Variants in UBE3C observed in about 807,000 individuals in gnomAD.
UBE3C encodes ubiquitin protein ligase E3C.
A neutral mutation model predicts 129.4 loss-of-function variants in UBE3C; 42 were observed. The ratio of observed to expected loss-of-function variants is 0.32; its 90% CI spans 0.25 to 0.42. The LOEUF is 0.42. Ranked by LOEUF, UBE3C falls within the 10% of genes least tolerant of loss-of-function variation. The pLI is 1.00. For synonymous variants in UBE3C, 510 were observed against 492.4 expected, an observed-to-expected ratio of 1.04 and a Z score of -0.47; for missense variants, 1,049 against 1,319.1, an observed-to-expected ratio of 0.80 and a Z score of 3.17.
At chr7:157,148,731 C>CTTTTTTT (rs58138213) in intron 1 of UBE3C, among the ~76,000 whole-genome samples, 2 of 131,792 alleles carry the variant, frequency 1.5e-5, no homozygotes. Flanking sequence ...CAAATTAGTT[C>CTTTTTTT]TTTTTTTTTT....
chr7:157,204,856 AC>A (rs1267666318), intron 11 of UBE3C, among the ~76,000 whole-genome samples: 1 of 152,152 alleles, frequency 6.6e-6, no homozygotes, highest in Non-Finnish European at 1.5e-5. Context: ...TATTCTGAAA[AC>A]CTGTTAAAGC....
intron 18 of UBE3C, among the ~76,000 whole-genome samples, chr7:157,242,517 T>G (rs2706167): frequency 0.023 from 450 of 19,524 alleles, 3 homozygotes; most frequent in Non-Finnish European, 0.03. Flanking sequence ...CTGAGTTGTT[T>G]TTTTTTTTTT....
In UBE3C at chr7:157,153,951, C is replaced by G. The variant is rs180690575; in HGVS notation, c.67-9859C>G. On this transcript the variant is annotated intron_variant, in intron 1 of 22. Coordinates refer to ENST00000348165, the MANE Select transcript of UBE3C (RefSeq NM_014671.3). Reference sequence around the variant, plus strand: ...GAGGTTGCAGTGAGTGAGCCAAGACCGCGCCACTGCACTCCAGCTTGGGTG... The same window carrying G: ...GAGGTTGCAGTGAGTGAGCCAAGACGGCGCCACTGCACTCCAGCTTGGGTG... Among the ~76,000 whole-genome samples, 1,253 of 151,970 alleles carry G rather than the reference C, an allele frequency of 8.2e-3. 10 individuals are homozygous for G. The highest frequency in any genetic ancestry group is 0.017 in the Middle Eastern group (5 of 294).
chr7:157,248,550 T>C lies in UBE3C; in HGVS notation c.2664T>C (p.Thr888=). The change falls in exon 19 of 23, where the codon ACT becomes ACC. Residue 888 remains threonine (T), a synonymous_variant. Coordinates refer to ENST00000348165, the MANE Select transcript of UBE3C (RefSeq NM_014671.3). The part of the protein sequence containing the change: ...DDVEELGLNF[T]VVNNDLGEAQ... Reference sequence around the variant, plus strand: ...TGGAGGAGCTTGGGCTGAACTTCACTGTGGTGAACAATGACCTGGGAGAGG... The same window carrying C: ...TGGAGGAGCTTGGGCTGAACTTCACCGTGGTGAACAATGACCTGGGAGAGG... The C allele has an allele frequency of 6.2e-7, 1 of 1,612,598 alleles. No individual in the cohort carries two copies. The highest frequency in any genetic ancestry group is 8.5e-7 in the Non-Finnish European group (1 of 1,180,018).
Position 157,139,161 on chromosome 7 carries a change from C to G in UBE3C, c.-112C>G. 1.4e-6 allele frequency: 1 copy of G among 736,262 alleles called. No individual in the cohort carries two copies. The highest frequency in any genetic ancestry group is 1.7e-6 in the Non-Finnish European group (1 of 594,158). 45.6% of individuals were successfully genotyped at this position (736,262 alleles called of 1,614,324 possible). Reference sequence around the variant, plus strand: ...GGTCGCCTCCCGGCCGCCGCGTCCTCGCTGCCCCGGGCCGGGCGGGCGGGC... The same window carrying G: ...GGTCGCCTCCCGGCCGCCGCGTCCTGGCTGCCCCGGGCCGGGCGGGCGGGC... On this transcript the variant is annotated 5_prime_UTR_variant, in exon 1 of 23. Coordinates refer to ENST00000348165, the MANE Select transcript of UBE3C (RefSeq NM_014671.3).
chr7:157,182,210 T>C lies in UBE3C; in HGVS notation c.873T>C (p.Val291=). The C allele has an allele frequency of 6.2e-7, 1 of 1,614,230 alleles. No homozygotes were observed. The change falls in exon 8 of 23, where the codon GTT becomes GTC. Residue 291 remains valine (V), a synonymous_variant. Coordinates refer to ENST00000348165, the MANE Select transcript of UBE3C (RefSeq NM_014671.3). ...IIPALADAQT[V]FPYEPFLNAL... is the part of the protein sequence containing the mutation. ...CGGCGCTTGCAGATGCGCAGACCGT[T>C]TTCCCTTACGAGCCCTTTCTGAATG... is the stretch of plus-strand genomic sequence containing the variant.
Position 157,254,106 on chromosome 7 carries a change from C to A in UBE3C, c.2847C>A (p.Leu949=), listed in dbSNP as rs764847217. 3.7e-6 allele frequency: 6 copies of A among 1,612,244 alleles called. No individual in the cohort carries two copies. In the African/African-American group the frequency reaches 8.0e-5, roughly 22 times the overall value. The change falls in exon 20 of 23, where the codon CTC becomes CTA. Residue 949 remains leucine (L), a synonymous_variant. Transcript: ENST00000348165. The part of the protein sequence containing the change: ...FRQGLANVVS[L]EWLRMFDQQE... Reference sequence around the variant, plus strand: ...AGGGCCTTGCCAATGTCGTCAGCCTCGAGTGGCTCCGAATGTTTGATCAGC... The same window carrying A: ...AGGGCCTTGCCAATGTCGTCAGCCTAGAGTGGCTCCGAATGTTTGATCAGC...
rs370380195 is a variant in UBE3C, at chr7:157,169,565, G to A, written c.195+443G>A. On this transcript the variant is annotated intron_variant, in intron 3 of 22. Coordinates refer to ENST00000348165, the MANE Select transcript of UBE3C (RefSeq NM_014671.3). Reference sequence around the variant, plus strand: ...TGATTTTTGTATTGTTAGTAGAGTCGGTGTTTTGCCACGTTGACCAGGCTG... The same window carrying A: ...TGATTTTTGTATTGTTAGTAGAGTCAGTGTTTTGCCACGTTGACCAGGCTG... Among the ~76,000 whole-genome samples the A allele has an allele frequency of 4.1e-4, 63 of 152,070 alleles. 1 individual carries two copies. In the East Asian group the frequency reaches 7.2e-3, roughly 17 times the overall value.
chr7:157,153,442 G>A (rs373903995), intron 1 of UBE3C, among the ~76,000 whole-genome samples: 3 of 152,182 alleles, frequency 2.0e-5, no homozygotes, highest in East Asian at 3.9e-4. Flanking sequence ...ATTGCGTAAT[G>A]GGAGAGTCAC....
chr7:157,169,126 A>G lies in UBE3C; in HGVS notation c.195+4A>G. The G allele has an allele frequency of 6.2e-7, 1 of 1,612,126 alleles. No homozygotes were observed. The highest frequency in any genetic ancestry group is 1.1e-5 in the South Asian group (1 of 90,998). On this transcript the variant is annotated splice_donor_region_variant and intron_variant, in intron 3 of 22. Coordinates refer to ENST00000348165, the MANE Select transcript of UBE3C (RefSeq NM_014671.3). ...CTATAGAGACAGAAAACAGCAAGTA[A>G]GTTTGTTTTAAAATGAGGAGATTAG...
intron 22 of UBE3C, among the ~76,000 whole-genome samples, chr7:157,264,813 C>G (rs761971432): frequency 3.3e-5 from 5 of 152,306 alleles, no homozygotes; most frequent in South Asian, 4.1e-4. Flanking sequence ...CTCAGGTGAT[C>G]CACCCGTTGT....
Position 157,253,939 on chromosome 7 carries a change from G to T in UBE3C, c.2695-15G>T. On this transcript the variant is annotated splice_polypyrimidine_tract_variant and intron_variant, in intron 19 of 22. Transcript: ENST00000348165. Reference sequence around the variant, plus strand: ...ACTTTGAGGATTTTGAGATCCTTACGTTTTGTATTCCCAGGTAGTTGAACT... The same window carrying T: ...ACTTTGAGGATTTTGAGATCCTTACTTTTTGTATTCCCAGGTAGTTGAACT... 4 of 1,556,228 alleles carry T rather than the reference G, an allele frequency of 2.6e-6. No individual in the cohort carries two copies. Among genetic ancestry groups the T allele is most frequent in the Non-Finnish European group, 2.6e-6 (3 of 1,147,288 alleles).
In UBE3C at chr7:157,153,747, C is replaced by T. The variant is rs138027924; in HGVS notation, c.67-10063C>T. 2.6e-3 allele frequency among the ~76,000 whole-genome samples: 398 copies of T among 152,240 alleles called. 4 individuals carry two copies. The highest frequency in any genetic ancestry group is 9.4e-3 in the African/African-American group (389 of 41,532). On this transcript the variant is annotated intron_variant, in intron 1 of 22. Coordinates refer to ENST00000348165, the MANE Select transcript of UBE3C (RefSeq NM_014671.3). ...CTCCCGGCACTCTGGGAGGCTAAGG[C>T]AGGCAGATGCCTTGAGCCCAGGAGT... is the stretch of plus-strand genomic sequence containing the variant.
At chr7:157,236,728 T>C (rs1055965562) in intron 18 of UBE3C, among the ~76,000 whole-genome samples, 5 of 151,366 alleles carry the variant, frequency 3.3e-5, no homozygotes, top group African/African-American at 4.9e-5. Context: ...AACCCTAAAC[T>C]CTTTTTTTTT....
intron 13 of UBE3C, among the ~76,000 whole-genome samples, chr7:157,210,478 CTG>C (rs1563057582): frequency 1.1e-4 from 16 of 152,036 alleles, no homozygotes. Flanking sequence ...CTGTAGTTAA[CTG>C]TGTTTTAGGC....
intron 11 of UBE3C, among the ~76,000 whole-genome samples, chr7:157,205,492 G>A (rs895569910): frequency 8.5e-5 from 13 of 152,188 alleles, no homozygotes; most frequent in South Asian, 2.1e-4. Flanking sequence ...TCATCAAGAC[G>A]CAGGAGTGGG....
intron 4 of UBE3C, among the ~76,000 whole-genome samples, chr7:157,173,240 G>A (rs1346744732): frequency 3.9e-5 from 6 of 152,140 alleles, no homozygotes; most frequent in Admixed American, 1.3e-4. Context: ...AGCTGGCTGC[G>A]GTAGCTTGCT....
chr7:157,263,874 C>T (rs1488583694), intron 22 of UBE3C, among the ~76,000 whole-genome samples: 3 of 150,426 alleles, frequency 2.0e-5, no homozygotes, highest in Non-Finnish European at 4.4e-5. Context: ...TTTTATGTTT[C>T]CTTCCTTTAA....
chr7:157,157,981 T>TAG (rs1262888670), intron 1 of UBE3C, among the ~76,000 whole-genome samples: 5 of 144,766 alleles, frequency 3.5e-5, no homozygotes, highest in South Asian at 4.3e-4. Flanking sequence ...TAGATATATA[T>TAG]ATATATAGAG....
Sources: allele counts gnomAD v4.1 joint callset (sites outside exome capture counted in the v4.1 genomes callset), GRCh38; gene constraint gnomAD v4.1.1; transcripts MANE v1.5; gene names NCBI Gene and HGNC (gene_info 2026-07-23, HGNC 2026-07-21).